Variants in RANBP2 observed in about 807,000 individuals in gnomAD.
The protein encoded by RANBP2 is RAN binding protein 2.
A neutral mutation model predicts 303.6 loss-of-function variants in RANBP2; 57 were observed. The ratio of observed to expected loss-of-function variants is 0.19; its 90% CI spans 0.15 to 0.23. RANBP2 has a LOEUF of 0.23. RANBP2 is among the 10% of genes least tolerant of loss of function. The probability of loss-of-function intolerance (pLI) is 1.00; values close to 1 mark genes in which losing one functional copy is unlikely to be tolerated. For missense variants in RANBP2, 3,138 were observed against 3,780.8 expected, an observed-to-expected ratio of 0.83 and a Z score of 4.46; for synonymous variants, 1,167 against 1,301.5, an observed-to-expected ratio of 0.90 and a Z score of 2.23.
the RANBP2 span, among the ~76,000 whole-genome samples, chr2:109,108,753 G>A: frequency 6.6e-6 from 1 of 152,164 alleles, no homozygotes; most frequent in Non-Finnish European, 1.5e-5. Flanking sequence ...CAAGCTGGAC[G>A]GCTGCACCCA....
At chr2:109,613,852 G>C in the RANBP2 span, 2 of 1,236,376 alleles carry the variant, frequency 1.6e-6, no homozygotes, top group Non-Finnish European at 2.0e-6. Flanking sequence ...GCACGGTGAA[G>C]CGGCTGTATC....
chr2:108,745,700 A>G (rs1401852983), intron 7 of RANBP2, among the ~76,000 whole-genome samples: 1 of 150,974 alleles, frequency 6.6e-6, no homozygotes. Context: ...AAAATGTGTT[A>G]TCTACAATGT....
the RANBP2 span, chr2:109,436,844 G>A: frequency 2.5e-5 from 39 of 1,586,458 alleles, no homozygotes; most frequent in East Asian, 4.5e-4. Flanking sequence ...CACATGGCAC[G>A]AATGCCTCTG....
the RANBP2 span, among the ~76,000 whole-genome samples, chr2:109,431,634 G>C: frequency 2.6e-5 from 4 of 152,328 alleles, no homozygotes; most frequent in East Asian, 7.7e-4. Context: ...CACTTTGGGA[G>C]GCTGAAATGG....
At chr2:109,593,695 C>A in the RANBP2 span, among the ~76,000 whole-genome samples, 1 of 152,170 alleles carries the variant, frequency 6.6e-6, no homozygotes, top group Admixed American at 6.5e-5. Context: ...TGAGCCACCA[C>A]GCCTGGCCTT....
chr2:109,364,554 A>G, the RANBP2 span, among the ~76,000 whole-genome samples: 3 of 152,196 alleles, frequency 2.0e-5, no homozygotes, highest in Admixed American at 6.5e-5. Context: ...TTGATACCAG[A>G]CATGGTGGAC....
chr2:109,538,033 C>T, the RANBP2 span, among the ~76,000 whole-genome samples: 30 of 152,292 alleles, frequency 2.0e-4, no homozygotes, highest in Middle Eastern at 3.4e-3. Flanking sequence ...ATCTGACTCA[C>T]GCCTCACTGG....
At chr2:109,317,041 C>T in the RANBP2 span, among the ~76,000 whole-genome samples, 1 of 152,062 alleles carries the variant, frequency 6.6e-6, no homozygotes, top group Non-Finnish European at 1.5e-5. Flanking sequence ...GTTTGTTTAT[C>T]CACTCACCTC....
the RANBP2 span, among the ~76,000 whole-genome samples, chr2:109,160,301 G>A: frequency 6.6e-6 from 1 of 152,206 alleles, no homozygotes; most frequent in Non-Finnish European, 1.5e-5. Flanking sequence ...GACAGAGGAG[G>A]CCAGAGAGGG....
At chr2:109,078,102 A>ATATATAGCGTG in the RANBP2 span, among the ~76,000 whole-genome samples, 9 of 90,132 alleles carry the variant, frequency 1.0e-4, 1 homozygote, top group East Asian at 6.7e-4. Flanking sequence ...ATATATATAT[A>ATATATAGCGTG]TATATATATA....
At chr2:108,911,388 G>A in the RANBP2 span, among the ~76,000 whole-genome samples, 4 of 152,176 alleles carry the variant, frequency 2.6e-5, no homozygotes, top group African/African-American at 4.8e-5. Context: ...TTGGTGTGGA[G>A]AGGAAGAAAG....
At chr2:108,845,368 T>G in the RANBP2 span, among the ~76,000 whole-genome samples, 1 of 152,160 alleles carries the variant, frequency 6.6e-6, no homozygotes, top group South Asian at 2.1e-4. Flanking sequence ...ATTTAAAAGC[T>G]AAAACTTATC....
the RANBP2 span, among the ~76,000 whole-genome samples, chr2:109,577,500 G>A: frequency 5.9e-5 from 9 of 151,666 alleles, no homozygotes; most frequent in African/African-American, 2.2e-4. Flanking sequence ...GCTGAGGCAG[G>A]AGAACTGCTG....
chr2:109,580,506 T>C, the RANBP2 span, among the ~76,000 whole-genome samples: 2 of 151,850 alleles, frequency 1.3e-5, no homozygotes, highest in South Asian at 2.1e-4. Context: ...GCATGGTACA[T>C]GGTAAAAAAT....
chr2:109,073,553 C>A, the RANBP2 span, among the ~76,000 whole-genome samples: 1 of 150,140 alleles, frequency 6.7e-6, no homozygotes, highest in Non-Finnish European at 1.5e-5. Context: ...CCTGTAATCC[C>A]AGCTACTCGG....
At chr2:109,346,945 G>A in the RANBP2 span, among the ~76,000 whole-genome samples, 7 of 152,246 alleles carry the variant, frequency 4.6e-5, no homozygotes, top group Non-Finnish European at 7.4e-5. Flanking sequence ...TGTGATGGCC[G>A]GGGACTGCTT....
chr2:109,191,350 G>C, the RANBP2 span, among the ~76,000 whole-genome samples: 3 of 152,226 alleles, frequency 2.0e-5, no homozygotes, highest in Non-Finnish European at 4.4e-5. Context: ...CCCTGGAGGG[G>C]CCTTGCAGTA....
At chr2:108,954,035 C>T in the RANBP2 span, among the ~76,000 whole-genome samples, 5 of 152,140 alleles carry the variant, frequency 3.3e-5, no homozygotes, top group South Asian at 1.0e-3. Context: ...ATTAAAGGAG[C>T]CCCTCTCTCT....
At chr2:109,606,516 T>C in the RANBP2 span, among the ~76,000 whole-genome samples, 2 of 152,158 alleles carry the variant, frequency 1.3e-5, no homozygotes, top group Non-Finnish European at 2.9e-5. Flanking sequence ...ATAGTGGACA[T>C]AGTTATAGCC....
Sources: gnomAD v4.1 joint callset for allele counts (sites outside exome capture counted in the v4.1 genomes callset) on GRCh38, gnomAD v4.1.1 for gene constraint, MANE v1.5 for transcripts, NCBI Gene and HGNC (gene_info 2026-07-23, HGNC 2026-07-21) for gene names.